The following PLA2G7 variants were observed in gnomAD, a reference collection of about 807,000 sequenced individuals.
PLA2G7 encodes platelet-activating factor acetylhydrolase.
Under a neutral mutation model 49.6 loss-of-function variants are expected in PLA2G7, and 63 were observed. The ratio of observed to expected loss-of-function variants is 1.27; its 90% CI spans 1.04 to 1.57. The LOEUF (loss-of-function observed/expected upper bound fraction) is 1.57. PLA2G7 is among the 40% of genes most tolerant of loss of function. The pLI, the probability that PLA2G7 is intolerant of heterozygous loss-of-function variation, is 0.00. For missense variants in PLA2G7, 596 were observed against 521.2 expected, an observed-to-expected ratio of 1.14 and a Z score of -1.40; for synonymous variants, 193 against 169.9, an observed-to-expected ratio of 1.14 and a Z score of -1.06.
At chr6:46,707,885 A>G (rs1385019900) in intron 10 of PLA2G7, 106 bp downstream of exon 10, 3 of 707,816 alleles carry the variant, frequency 4.2e-6, no homozygotes, top group African/African-American at 1.8e-5. Context: ...TTGAAAGTCT[A>G]AACAACCAAT....
rs118076159 is a variant in PLA2G7, at chr6:46,732,488, T to C, written c.-35+2692A>G. Reference sequence around the variant, plus strand: ...CCTCAATTCTAGAATGTGAGCACTGTGAGAGCAGAGAGCATATCTATCTTA... The same window carrying C: ...CCTCAATTCTAGAATGTGAGCACTGCGAGAGCAGAGAGCATATCTATCTTA... On this transcript the variant is annotated intron_variant, in intron 1 of 11. Transcript: ENST00000274793. 9.9e-5 allele frequency among the ~76,000 whole-genome samples: 15 copies of C among 152,176 alleles called. No individual in the cohort carries two copies. The East Asian group carries it at 2.3e-3, about 24-fold the overall frequency.
intron 6 of PLA2G7, 33 bp from the exon 7 acceptor site, chr6:46,711,652 G>T: frequency 1.9e-6 from 3 of 1,610,044 alleles, no homozygotes; most frequent in Non-Finnish European, 2.5e-6. Context: ...ATTTATGCAT[G>T]CTCCTTCCCT....
At chr6:46,724,640 G>A (rs1256821607) in intron 1 of PLA2G7, among the ~76,000 whole-genome samples, 1 of 152,214 alleles carries the variant, frequency 6.6e-6, no homozygotes, top group Non-Finnish European at 1.5e-5. Flanking sequence ...CTGCAACAGA[G>A]TCACTGTATC....
chr6:46,711,655 C>T (rs764111051), intron 6 of PLA2G7, 36 bp from the exon 7 acceptor site: 6 of 1,608,626 alleles, frequency 3.7e-6, no homozygotes, highest in South Asian at 3.3e-5. Context: ...TATGCATGCT[C>T]CTTCCCTTCC....
chr6:46,716,614 G>T, intron 3 of PLA2G7, 86 bp from the exon 4 acceptor site: 1 of 1,346,022 alleles, frequency 7.4e-7, no homozygotes, highest in African/African-American at 1.4e-5. Flanking sequence ...AATTAGTGGG[G>T]ACTCAAATAC....
At chr6:46,729,108 C>T (rs982341698) in intron 1 of PLA2G7, among the ~76,000 whole-genome samples, 8 of 152,222 alleles carry the variant, frequency 5.3e-5, no homozygotes, top group South Asian at 2.1e-4. Flanking sequence ...CAGGTGCAAG[C>T]CACGGTGACT....
Position 46,722,847 on chromosome 6 carries a change from G to A in PLA2G7, c.45C>T (p.Cys15=), listed in dbSNP as rs199643622. 6 of 1,613,864 alleles carry A rather than the reference G, an allele frequency of 3.7e-6. No homozygotes were observed. The highest frequency in any genetic ancestry group is 4.2e-6 in the Non-Finnish European group (5 of 1,179,910). The change falls in exon 2 of 12, where the codon TGC becomes TGT. Residue 15 remains cysteine (C), a synonymous_variant. Transcript: ENST00000274793. ...KLHVLFCLCG[C]LAVVYPFDWQ... ...AGTCAAAAGGATAAACCACAGCCAG[G>A]CAGCCGCAGAGGCAGAAAAGCACAT...
intron 1 of PLA2G7, among the ~76,000 whole-genome samples, chr6:46,726,198 A>G (rs958379653): frequency 4.1e-4 from 63 of 152,182 alleles, no homozygotes; most frequent in African/African-American, 1.4e-3. Context: ...TGGGCAGGTG[A>G]AAGGAAGGCA....
intron 1 of PLA2G7, among the ~76,000 whole-genome samples, chr6:46,726,086 G>A (rs753456314): frequency 5.3e-5 from 8 of 152,218 alleles, no homozygotes; most frequent in South Asian, 2.1e-4. Flanking sequence ...TGTCTATTCA[G>A]ATTCTTCTTG....
intron 10 of PLA2G7, 74 bp downstream of exon 10, chr6:46,707,917 C>T (rs1462262388): frequency 4.4e-6 from 4 of 913,604 alleles, no homozygotes; most frequent in African/African-American, 3.3e-5. Flanking sequence ...TTAATAGTTA[C>T]CAAATGATAT....
In PLA2G7 at chr6:46,709,240, T is replaced by A. The variant is rs1410219011; in HGVS notation, c.869+87A>T. On this transcript the variant is annotated intron_variant, in intron 9 of 11. Transcript: ENST00000274793. ...AAACTCCAAGAGATCCCTTCTTCACTAAGAATTTGAATAAAAAATTATATC... is the reference window on the plus strand; with the variant it reads ...AAACTCCAAGAGATCCCTTCTTCACAAAGAATTTGAATAAAAAATTATATC... The A allele has an allele frequency of 3.6e-5, 30 of 823,788 alleles. 1 individual carries two copies. The South Asian group carries it at 3.8e-4, about 10-fold the overall frequency. The allele number at this position is 823,788 out of a possible 1,614,324, so 51.0% of individuals were successfully genotyped here. A position where few individuals can be genotyped will look rare whatever the true frequency, so the allele number is the denominator to read the frequency against.
intron 2 of PLA2G7, 149 bp from the exon 3 acceptor site, chr6:46,717,245 G>A (rs988137483): frequency 4.0e-6 from 3 of 746,700 alleles, no homozygotes; most frequent in African/African-American, 3.5e-5. Flanking sequence ...CAATTATTGA[G>A]GGTCTGCTCT....
intron 11 of PLA2G7, 94 bp from the exon 12 acceptor site, chr6:46,704,790 A>T (rs975989966): frequency 3.8e-6 from 3 of 790,848 alleles, no homozygotes; most frequent in Non-Finnish European, 6.4e-6. Flanking sequence ...TACAAATTAC[A>T]CAAGTTCCGT....
intron 2 of PLA2G7, among the ~76,000 whole-genome samples, chr6:46,722,243 A>G (rs912476397): frequency 6.6e-6 from 1 of 152,126 alleles, no homozygotes; most frequent in Non-Finnish European, 1.5e-5. Flanking sequence ...ACTCCCTAGC[A>G]CCTACTTGTC....
chr6:46,713,757 C>T (rs1309232605), intron 5 of PLA2G7, among the ~76,000 whole-genome samples: 2 of 152,192 alleles, frequency 1.3e-5, no homozygotes, highest in African/African-American at 2.4e-5. Flanking sequence ...TATCATGCTA[C>T]AGACTGCATA....
Position 46,714,445 on chromosome 6 carries a change from C to A in PLA2G7, c.470+15G>T, listed in dbSNP as rs751243547. On this transcript the variant is annotated intron_variant, in intron 5 of 11. Transcript: ENST00000274793. ...ATTCCTGGAAGCCAAAATTGTTCAA[C>A]CTCTCAAACATTACCTGAATGCCCC... 1 of 1,536,378 alleles carries A rather than the reference C, an allele frequency of 6.5e-7. No individual in the cohort carries two copies. Among genetic ancestry groups the A allele is most frequent in the Admixed American group, 1.7e-5 (1 of 59,924 alleles).
chr6:46,704,536 A>G lies in PLA2G7; in HGVS notation c.*24T>C. ...TAATTTTAGACAGTTTTGAAACAAGACTTTTAAAAAACCTATTTTAATCCT... is the reference window on the plus strand; with the variant it reads ...TAATTTTAGACAGTTTTGAAACAAGGCTTTTAAAAAACCTATTTTAATCCT... On this transcript the variant is annotated 3_prime_UTR_variant, in exon 12 of 12. Coordinates refer to ENST00000274793, the MANE Select transcript of PLA2G7 (RefSeq NM_005084.4). The G allele has an allele frequency of 5.0e-6, 7 of 1,413,494 alleles. No homozygotes were observed. Among genetic ancestry groups the G allele is most frequent in the Non-Finnish European group, 7.0e-6 (7 of 999,678 alleles). 87.6% of individuals were successfully genotyped at this position (1,413,494 alleles called of 1,614,324 possible).
chr6:46,715,818 G>A (rs1485647903), intron 4 of PLA2G7, among the ~76,000 whole-genome samples: 1 of 152,204 alleles, frequency 6.6e-6, no homozygotes, highest in Non-Finnish European at 1.5e-5. Flanking sequence ...CAGTCCAACA[G>A]TAGTGTCTAG....
intron 2 of PLA2G7, 93 bp from the exon 3 acceptor site, chr6:46,717,189 A>G (rs1562074126): frequency 4.3e-6 from 5 of 1,168,940 alleles, no homozygotes; most frequent in Non-Finnish European, 6.4e-6. Flanking sequence ...GTTACTTCCC[A>G]TAGTTTCTGG....
Sources: gnomAD v4.1 joint callset for allele counts (sites outside exome capture counted in the v4.1 genomes callset) on GRCh38, gnomAD v4.1.1 for gene constraint, MANE v1.5 for transcripts, NCBI Gene and HGNC (gene_info 2026-07-23, HGNC 2026-07-21) for gene names.